The following COL22A1 variants were observed in gnomAD, a reference collection of about 807,000 sequenced individuals.
COL22A1 encodes the protein collagen type XXII alpha 1 chain, also known as collagen alpha-1(XXII) chain.
A neutral mutation model predicts 248.9 loss-of-function variants in COL22A1; 221 were observed. The ratio of observed to expected loss-of-function variants is 0.89; its 90% confidence interval spans 0.80 to 0.99. The LOEUF (loss-of-function observed/expected upper bound fraction) is 0.99. COL22A1 is among the 50% of genes least tolerant of loss of function. COL22A1 has a pLI of 0.00. For synonymous variants in COL22A1, 891 were observed against 793.4 expected (o/e 1.12, Z -2.07); for missense variants, 2,240 against 2,179.0 (o/e 1.03, Z -0.56).
At chr8:138,799,108 G>GT (rs1208864495) in intron 11 of COL22A1, among the ~76,000 whole-genome samples, 4 of 151,970 alleles carry the variant, frequency 2.6e-5, no homozygotes, top group Admixed American at 2.0e-4. Context: ...AGCCCCTCTA[G>GT]TTTTTTCTAT....
intron 12 of COL22A1, among the ~76,000 whole-genome samples, chr8:138,781,834 C>T (rs991237694): frequency 1.3e-5 from 2 of 152,342 alleles, no homozygotes; most frequent in Non-Finnish European, 1.5e-5. Flanking sequence ...CTGAGCAAGG[C>T]TGCGCCTCTC....
intron 16 of COL22A1, among the ~76,000 whole-genome samples, chr8:138,767,826 C>CGGCT (rs1279903069): frequency 6.6e-6 from 1 of 152,202 alleles, no homozygotes; most frequent in Non-Finnish European, 1.5e-5. Flanking sequence ...AGAAAACCGC[C>CGGCT]GGCTGCCCGT....
intron 1 of COL22A1, among the ~76,000 whole-genome samples, chr8:138,908,551 C>T (rs1563913503): frequency 6.6e-6 from 1 of 152,164 alleles, no homozygotes; most frequent in Non-Finnish European, 1.5e-5. Flanking sequence ...GGCTTTGTAT[C>T]AAGACATAGG....
chr8:138,781,282 G>A (rs1055426699), intron 12 of COL22A1, among the ~76,000 whole-genome samples: 4 of 152,152 alleles, frequency 2.6e-5, no homozygotes, highest in Admixed American at 1.3e-4. Flanking sequence ...CTGGAGGTGC[G>A]GCCCTTCCTC....
chr8:138,705,389 C>T (rs542026733), intron 30 of COL22A1, among the ~76,000 whole-genome samples: 17 of 152,238 alleles, frequency 1.1e-4, no homozygotes, highest in Admixed American at 5.9e-4. Flanking sequence ...AGGGAAAGGT[C>T]GGTTTACCAC....
chr8:138,610,791 T>C (rs1197390662), intron 56 of COL22A1, among the ~76,000 whole-genome samples: 1 of 152,204 alleles, frequency 6.6e-6, no homozygotes, highest in African/African-American at 2.4e-5. Context: ...CAGCCAACCA[T>C]GGTGGCTTAC....
intron 12 of COL22A1, among the ~76,000 whole-genome samples, chr8:138,786,206 A>G (rs1265781584): frequency 6.6e-6 from 1 of 152,216 alleles, no homozygotes; most frequent in African/African-American, 2.4e-5. Context: ...AGTAGAAGAA[A>G]GTCCCTTCAG....
chr8:138,617,461 T>C (rs1331176898), intron 53 of COL22A1, among the ~76,000 whole-genome samples: 1 of 152,088 alleles, frequency 6.6e-6, no homozygotes, highest in Non-Finnish European at 1.5e-5. Flanking sequence ...CGGGCCATAG[T>C]GCTGGGGTCT....
chr8:138,852,930 G>T (rs552234605), intron 3 of COL22A1, among the ~76,000 whole-genome samples: 102 of 151,946 alleles, frequency 6.7e-4, no homozygotes, highest in Non-Finnish European at 1.1e-3. Flanking sequence ...ATCACTTGAG[G>T]CCAGGAGTTT....
chr8:138,873,333 C>T (rs982804661), intron 3 of COL22A1, among the ~76,000 whole-genome samples: 2 of 150,258 alleles, frequency 1.3e-5, no homozygotes, highest in South Asian at 2.1e-4. Context: ...TTCTTATATT[C>T]TTTTCTTTGG....
At chr8:138,896,617 T>G (rs760129587) in intron 1 of COL22A1, among the ~76,000 whole-genome samples, 6 of 152,176 alleles carry the variant, frequency 3.9e-5, no homozygotes, top group Admixed American at 1.3e-4. Flanking sequence ...CATAATACAT[T>G]GGCAGACTTA....
chr8:138,704,611 A>G (rs941016076), intron 30 of COL22A1, among the ~76,000 whole-genome samples: 7 of 152,312 alleles, frequency 4.6e-5, no homozygotes, highest in African/African-American at 1.7e-4. Flanking sequence ...ATCCACACCA[A>G]CCCCATCTGT....
chr8:138,696,845 C>T (rs1170470667), intron 32 of COL22A1, among the ~76,000 whole-genome samples: 1 of 152,232 alleles, frequency 6.6e-6, no homozygotes, highest in Non-Finnish European at 1.5e-5. Flanking sequence ...CCATTCACCA[C>T]AGACAATAAT....
chr8:138,805,768 G>A (rs577052655), intron 10 of COL22A1, among the ~76,000 whole-genome samples: 10 of 146,860 alleles, frequency 6.8e-5, no homozygotes, highest in African/African-American at 2.5e-4. Flanking sequence ...GTAATGGTAT[G>A]TGATAGTGTA....
At chr8:138,796,219 T>C (rs1306594789) in intron 12 of COL22A1, among the ~76,000 whole-genome samples, 1 of 152,040 alleles carries the variant, frequency 6.6e-6, no homozygotes, top group East Asian at 1.9e-4. Flanking sequence ...CCAGGATTGG[T>C]CAAGCCTGTG....
chr8:138,904,167 C>G (rs2132174078), intron 1 of COL22A1, among the ~76,000 whole-genome samples: 1 of 152,258 alleles, frequency 6.6e-6, no homozygotes, highest in East Asian at 1.9e-4. Flanking sequence ...CATTGCAGAG[C>G]TCACACGGGG....
At chr8:138,723,048 G>A (rs1366122931) in intron 25 of COL22A1, among the ~76,000 whole-genome samples, 2 of 145,532 alleles carry the variant, frequency 1.4e-5, no homozygotes, top group Non-Finnish European at 1.5e-5. Flanking sequence ...CACGTACCCT[G>A]GAACTTAAAA....
At chr8:138,856,194 C>T (rs1012196207) in intron 3 of COL22A1, among the ~76,000 whole-genome samples, 2 of 152,240 alleles carry the variant, frequency 1.3e-5, no homozygotes, top group African/African-American at 4.8e-5. Context: ...CGAGGCTCCC[C>T]TAGAGCAGTC....
rs200758897 is a variant in COL22A1, at chr8:138,904,321, A to AG, written c.-73+9297dup. On this transcript the variant is annotated intron_variant, in intron 1 of 64. Transcript: ENST00000303045. ...CCCTCTCCAACGGCCAACTTCCAAA[A>AG]GCCATCCAGAGACACCCCACACACA... is the stretch of plus-strand genomic sequence containing the variant. Among the ~76,000 whole-genome samples, 530 of 152,112 alleles carry AG rather than the reference A, an allele frequency of 3.5e-3. 3 individuals are homozygous for AG. The highest frequency in any genetic ancestry group is 0.012 in the African/African-American group (499 of 41,480).
Sources: allele counts gnomAD v4.1 joint callset (sites outside exome capture counted in the v4.1 genomes callset), GRCh38; gene constraint gnomAD v4.1.1; transcripts MANE v1.5; gene names NCBI Gene and HGNC (gene_info 2026-07-23, HGNC 2026-07-21).